AGBL1: variants seen among roughly 807,000 people sequenced by gnomAD.
The protein encoded by AGBL1 is AGBL carboxypeptidase 1.
Under a neutral mutation model 118.9 loss-of-function variants are expected in AGBL1, and 130 were observed. The ratio of observed to expected loss-of-function variants is 1.09; its 90% CI spans 0.95 to 1.26. The LOEUF (loss-of-function observed/expected upper bound fraction) is 1.26, where lower values mean the gene tolerates loss of function less well. Among genes scored for constraint, AGBL1 ranks in the 50% most tolerant of loss-of-function variants. The pLI is 0.00. For missense variants in AGBL1, 1,584 were observed against 1,298.1 expected (o/e 1.22, Z -3.38); for synonymous variants, 555 against 478.9 (o/e 1.16, Z -2.08).
At chr15:86,730,025 T>C (rs1017401320) in intron 22 of AGBL1, among the ~76,000 whole-genome samples, 1 of 152,218 alleles carries the variant, frequency 6.6e-6, no homozygotes, top group Admixed American at 6.5e-5. Flanking sequence ...TAATTAGCAA[T>C]GTTGAACATT....
chr15:86,444,876 G>C (rs76462612), intron 18 of AGBL1, among the ~76,000 whole-genome samples: 6,676 of 152,280 alleles, frequency 0.044, 195 homozygotes, highest in South Asian at 0.098. Flanking sequence ...AAGTTAAATT[G>C]TGAGTTCACT....
chr15:87,003,521 T>C (rs2081463597), intron 24 of AGBL1, among the ~76,000 whole-genome samples: 1 of 152,222 alleles, frequency 6.6e-6, no homozygotes, highest in African/African-American at 2.4e-5. Context: ...TCCCTCTTTT[T>C]CTATTAATTG....
At chr15:86,314,934 T>A (rs2079977984) in intron 17 of AGBL1, among the ~76,000 whole-genome samples, 1 of 152,238 alleles carries the variant, frequency 6.6e-6, no homozygotes, top group Non-Finnish European at 1.5e-5. Context: ...TTCTGAATTT[T>A]GGAAAGTGGC....
chr15:86,711,018 C>T (rs1186308791), intron 22 of AGBL1, among the ~76,000 whole-genome samples: 1 of 152,144 alleles, frequency 6.6e-6, no homozygotes, highest in East Asian at 1.9e-4. Flanking sequence ...TGATTTTTCT[C>T]ACTAGATCTA....
chr15:86,903,459 C>T lies in AGBL1; in HGVS notation c.3159-3628C>T, dbSNP rs368084856. Among the ~76,000 whole-genome samples, 3 of 152,024 alleles carry T rather than the reference C, an allele frequency of 2.0e-5. No individual in the cohort carries two copies. The South Asian group carries it at 6.2e-4, about 32-fold the overall frequency. On this transcript the variant is annotated intron_variant, in intron 22 of 22. Transcript: ENST00000614907. ...GTGTCCATAATTACTTATGGCAACA[C>T]TTATATGCTTTAAAATCCTTGTCAG...
At chr15:86,340,664 T>G (rs573169305) in intron 17 of AGBL1, among the ~76,000 whole-genome samples, 163 of 152,272 alleles carry the variant, frequency 1.1e-3, no homozygotes, top group African/African-American at 3.7e-3. Context: ...AATGTTGAGG[T>G]AAGCCAACTA....
At chr15:86,346,191 C>A (rs187931132) in intron 17 of AGBL1, among the ~76,000 whole-genome samples, 4 of 152,092 alleles carry the variant, frequency 2.6e-5, no homozygotes, top group Admixed American at 1.3e-4. Flanking sequence ...CCACGTTGGC[C>A]AGGCTGATCT....
At chr15:86,090,947 C>T (rs1597380197) in intron 1 of AGBL1, among the ~76,000 whole-genome samples, 2 of 152,220 alleles carry the variant, frequency 1.3e-5, no homozygotes, top group South Asian at 4.1e-4. Context: ...ATTTCTGTAC[C>T]ACCCAATAGA....
intron 21 of AGBL1, among the ~76,000 whole-genome samples, chr15:86,672,145 AAG>A (rs2085757211): frequency 6.6e-6 from 1 of 151,382 alleles, no homozygotes; most frequent in Non-Finnish European, 1.5e-5. Flanking sequence ...CAGAGTAGTA[AAG>A]AGAGATTAAT....
intron 18 of AGBL1, among the ~76,000 whole-genome samples, chr15:86,430,495 A>C (rs968644641): frequency 6.6e-6 from 1 of 152,000 alleles, no homozygotes; most frequent in African/African-American, 2.4e-5. Flanking sequence ...GTCGCAAAAA[A>C]AAAAAAAAAA....
At chr15:86,924,248 C>T (rs1000740317) in intron 23 of AGBL1, among the ~76,000 whole-genome samples, 1 of 152,168 alleles carries the variant, frequency 6.6e-6, no homozygotes, top group African/African-American at 2.4e-5. Context: ...ACAAGTTCTG[C>T]CTGAAAGGAC....
At chr15:86,716,906 G>A (rs1378365044) in intron 22 of AGBL1, among the ~76,000 whole-genome samples, 4 of 152,192 alleles carry the variant, frequency 2.6e-5, no homozygotes, top group Non-Finnish European at 2.9e-5. Context: ...CATTTATTAC[G>A]TATGTGATTT....
intron 21 of AGBL1, among the ~76,000 whole-genome samples, chr15:86,584,301 T>C (rs910256045): frequency 6.6e-6 from 1 of 152,070 alleles, no homozygotes; most frequent in Non-Finnish European, 1.5e-5. Flanking sequence ...TATATTCTAG[T>C]ATTCTTTTAG....
intron 18 of AGBL1, among the ~76,000 whole-genome samples, chr15:86,503,957 G>C (rs552516714): frequency 2.0e-5 from 3 of 151,498 alleles, no homozygotes; most frequent in Admixed American, 6.6e-5. Flanking sequence ...ATATTGTTAT[G>C]CAAATCTTAT....
chr15:86,713,347 G>A (rs2086589842), intron 22 of AGBL1, among the ~76,000 whole-genome samples: 1 of 152,170 alleles, frequency 6.6e-6, no homozygotes, highest in South Asian at 2.1e-4. Flanking sequence ...ATGAAGCGTT[G>A]CTGTGGATTG....
intron 24 of AGBL1, among the ~76,000 whole-genome samples, chr15:87,014,337 G>C (rs2081589505): frequency 1.3e-5 from 2 of 152,160 alleles, no homozygotes; most frequent in African/African-American, 4.8e-5. Context: ...TCTATTGCGT[G>C]ATCTTAGGCA....
intron 19 of AGBL1, 49 bp from the exon 20 acceptor site, chr15:86,545,953 A>T: frequency 1.3e-6 from 2 of 1,585,306 alleles, no homozygotes; most frequent in Non-Finnish European, 1.7e-6. Flanking sequence ...GATTTAAGAA[A>T]CCAATGACCT....
intron 17 of AGBL1, among the ~76,000 whole-genome samples, chr15:86,324,327 C>T (rs1318814647): frequency 4.6e-5 from 7 of 152,114 alleles, no homozygotes; most frequent in Non-Finnish European, 1.0e-4. Flanking sequence ...TCAGATAAGA[C>T]TTAAAAGAGC....
At chr15:86,775,289 A>G (rs1009598366) in intron 22 of AGBL1, among the ~76,000 whole-genome samples, 1 of 152,146 alleles carries the variant, frequency 6.6e-6, no homozygotes, top group African/African-American at 2.4e-5. Flanking sequence ...TTAATTCCAG[A>G]TGTGGTATAG....
Sources: gnomAD v4.1 joint callset for allele counts (sites outside exome capture counted in the v4.1 genomes callset) on GRCh38, gnomAD v4.1.1 for gene constraint, MANE v1.5 for transcripts, NCBI Gene and HGNC (gene_info 2026-07-23, HGNC 2026-07-21) for gene names.